The following ACSL6 variants were observed in gnomAD, a reference collection of about 807,000 sequenced individuals.
ACSL6 encodes the protein acyl-CoA synthetase long chain family member 6, also known as long-chain-fatty-acid--CoA ligase 6.
Under a neutral mutation model 98.2 loss-of-function variants are expected in ACSL6, and 47 were observed. The observed-to-expected ratio is 0.48, with a 90% confidence interval of 0.38 to 0.61. ACSL6 has a LOEUF of 0.61. ACSL6 is among the 20% of genes least tolerant of loss of function. The pLI is 0.00. For synonymous variants in ACSL6, 362 were observed against 336.9 expected, an observed-to-expected ratio of 1.07 and a Z score of -0.82; for missense variants, 761 against 913.4, an observed-to-expected ratio of 0.83 and a Z score of 2.15.
rs1752213733 is a variant in ACSL6 at position 131,952,699 on chromosome 5, T to C, written c.*1535A>G. On this transcript the variant is annotated 3_prime_UTR_variant, in exon 21 of 21. Transcript: ENST00000651883. ...GTATCTGGCCTTTAATTATAAGAAATTGTTGACACCCCAATACAGGGTGCA... is the reference window on the plus strand; with the variant it reads ...GTATCTGGCCTTTAATTATAAGAAACTGTTGACACCCCAATACAGGGTGCA... 9.3e-6 allele frequency: 2 copies of C among 215,510 alleles called. No individual in the cohort carries two copies. Among genetic ancestry groups the C allele is most frequent in the Non-Finnish European group, 1.9e-5 (2 of 107,140 alleles). 13.3% of individuals were successfully genotyped at this position (215,510 alleles called of 1,614,324 possible).
At chr5:131,987,369 TG>T (rs1356351407) in intron 7 of ACSL6, among the ~76,000 whole-genome samples, 1 of 152,124 alleles carries the variant, frequency 6.6e-6, no homozygotes, top group Non-Finnish European at 1.5e-5. Context: ...TCAGTGCTAG[TG>T]GGGCAGGTGG....
chr5:131,962,386 A>G (rs1220323124), intron 18 of ACSL6, 149 bp downstream of exon 18: 3 of 908,320 alleles, frequency 3.3e-6, no homozygotes, highest in South Asian at 2.2e-5. Flanking sequence ...TTAACAAACT[A>G]TAAGTAAGAT....
intron 18 of ACSL6, 129 bp from the exon 19 acceptor site, chr5:131,960,750 T>C: frequency 3.2e-6 from 2 of 627,208 alleles, no homozygotes; most frequent in South Asian, 4.6e-5. Context: ...AAACATTTGT[T>C]GATGTCATGA....
chr5:131,977,225 C>T (rs1753670008), intron 9 of ACSL6, among the ~76,000 whole-genome samples: 1 of 152,196 alleles, frequency 6.6e-6, no homozygotes, highest in Non-Finnish European at 1.5e-5. Flanking sequence ...GCTGGGCAGC[C>T]CTTCCTGCCT....
intron 15 of ACSL6, among the ~76,000 whole-genome samples, chr5:131,968,526 C>A (rs1753140921): frequency 6.6e-6 from 1 of 152,102 alleles, no homozygotes; most frequent in South Asian, 2.1e-4. Context: ...TGGAATGGGG[C>A]CTGAGATTCG....
intron 18 of ACSL6, 104 bp downstream of exon 18, chr5:131,962,431 A>T: frequency 1.5e-6 from 2 of 1,351,362 alleles, no homozygotes; most frequent in Middle Eastern, 2.4e-4. Context: ...CTCATGTTTT[A>T]AAATGCGGAG....
chr5:131,969,791 G>C (rs1753206433), intron 15 of ACSL6, among the ~76,000 whole-genome samples: 2 of 152,080 alleles, frequency 1.3e-5, no homozygotes, highest in African/African-American at 2.4e-5. Context: ...ACCTCAAAAA[G>C]GAACAGCTCT....
intron 10 of ACSL6, chr5:131,975,253 G>A (rs1561788478): frequency 7.9e-7 from 1 of 1,272,098 alleles, no homozygotes; most frequent in Non-Finnish European, 1.0e-6. Context: ...TAGGTTATCT[G>A]CAGAAGCAAA....
intron 17 of ACSL6, among the ~76,000 whole-genome samples, chr5:131,964,539 T>C (rs577301414): frequency 1.9e-4 from 29 of 152,234 alleles, no homozygotes; most frequent in Admixed American, 8.5e-4. Context: ...CCCTAAATGG[T>C]GAATGGTTTC....
intron 5 of ACSL6, 67 bp downstream of exon 5, chr5:131,989,340 G>T: frequency 6.9e-7 from 1 of 1,442,714 alleles, no homozygotes; most frequent in Non-Finnish European, 9.7e-7. Context: ...GTGAAAGCAG[G>T]ACTATTCCAT....
Position 131,990,861 on chromosome 5 carries a change from C to A in ACSL6, c.377G>T (p.Ser126Ile). Reference sequence around the variant, plus strand: ...CCCACAACCCTTCTCACCTGAGATGCTAAGCCCACGGCGGAACACCTGGTA... The same window carrying A: ...CCCACAACCCTTCTCACCTGAGATGATAAGCCCACGGCGGAACACCTGGTA... The part of the protein sequence containing the change: ...TMYQVFRRGL[S>I]ISGNGPCLGF... Residue 126 changes from serine (S) to isoleucine (I), a missense_variant, in exon 3 of 21, where the codon AGC becomes ATC. Transcript: ENST00000651883. 1 of 1,613,372 alleles carries A rather than the reference C, an allele frequency of 6.2e-7. No homozygotes were observed. The highest frequency in any genetic ancestry group is 8.5e-7 in the Non-Finnish European group (1 of 1,179,778).
At chr5:132,007,051 C>G (rs375606131) in intron 1 of ACSL6, 2 of 152,114 alleles carry the variant, frequency 1.3e-5, no homozygotes, top group African/African-American at 4.8e-5. Context: ...TTAGTTTATG[C>G]AATAAACTCT....
chr5:131,995,046 G>A (rs537899146), intron 1 of ACSL6, among the ~76,000 whole-genome samples: 10 of 152,312 alleles, frequency 6.6e-5, no homozygotes, highest in South Asian at 2.1e-4. Flanking sequence ...ATGGCTCAGC[G>A]GAGTGCTGTG....
At chr5:131,975,174 A>G in intron 10 of ACSL6, 1 of 1,390,580 alleles carries the variant, frequency 7.2e-7, no homozygotes. Context: ...GGGAGGGGGA[A>G]GGTGCAGAAA....
intron 14 of ACSL6, among the ~76,000 whole-genome samples, chr5:131,970,537 G>C (rs1171198739): frequency 6.6e-6 from 1 of 151,926 alleles, no homozygotes; most frequent in Non-Finnish European, 1.5e-5. Flanking sequence ...AGCCTCCCGA[G>C]TAGCTGGGAC....
chr5:131,986,886 CA>C, intron 7 of ACSL6, 32 bp from the exon 8 acceptor site: 2 of 1,613,164 alleles, frequency 1.2e-6, no homozygotes, highest in Non-Finnish European at 8.5e-7. Flanking sequence ...TTTAAATGCT[CA>C]AAAGTTCTCT....
Position 131,959,492 on chromosome 5 carries a change from A to G in ACSL6, c.2031+44T>C, listed in dbSNP as rs371436977. 4.8e-5 allele frequency: 76 copies of G among 1,588,528 alleles called. No individual in the cohort carries two copies. In the African/African-American group the frequency reaches 9.5e-4, roughly 20 times the overall value. On this transcript the variant is annotated intron_variant, in intron 20 of 20. Coordinates refer to ENST00000651883, the MANE Select transcript of ACSL6 (RefSeq NM_001009185.3). ...ACCATGGGTTAATTTAATTTTCATC[A>G]CTGCCTGAAGGGTTGTAACGAGTAT...
chr5:131,997,494 A>G (rs531478970), intron 1 of ACSL6, among the ~76,000 whole-genome samples: 1 of 152,340 alleles, frequency 6.6e-6, no homozygotes, highest in Admixed American at 6.5e-5. Context: ...AGCTGCCTGG[A>G]AGAGCCCAGG....
At chr5:131,986,240 C>T (rs1045797658) in intron 8 of ACSL6, among the ~76,000 whole-genome samples, 42 of 152,082 alleles carry the variant, frequency 2.8e-4, no homozygotes, top group Non-Finnish European at 7.4e-5. Context: ...CCTGGGAAGC[C>T]GGGGGTGACC....
Sources: allele counts gnomAD v4.1 joint callset (sites outside exome capture counted in the v4.1 genomes callset), GRCh38; gene constraint gnomAD v4.1.1; transcripts MANE v1.5; gene names NCBI Gene and HGNC (gene_info 2026-07-23, HGNC 2026-07-21).